The following PAWR variants were observed in gnomAD, a reference collection of about 807,000 sequenced individuals.
The protein encoded by PAWR is pro-apoptotic WT1 regulator.
PAWR carries 23 observed loss-of-function variants against 32.0 expected under a neutral mutation model. That is an observed-to-expected ratio of 0.72 (90% CI 0.52 to 1.02). The LOEUF (loss-of-function observed/expected upper bound fraction) is 1.02. Ranked by LOEUF, PAWR falls within the 50% of genes least tolerant of loss-of-function variation. PAWR has a pLI of 0.00. For synonymous variants in PAWR, 226 were observed against 187.1 expected (o/e 1.21, Z -1.70); for missense variants, 457 against 437.7 (o/e 1.04, Z -0.39).
chr12:79,588,746 T>C lies in PAWR; in HGVS notation c.*3861A>G, dbSNP rs1460614459. ...CTATATTCCTCTCACATAGACATAG[T>C]TATTTTTAGTGGGGATAAGGATATG... On this transcript the variant is annotated 3_prime_UTR_variant, in exon 7 of 7. Coordinates refer to ENST00000328827, the MANE Select transcript of PAWR (RefSeq NM_002583.4). The C allele has an allele frequency of 6.6e-6, 1 of 152,004 alleles. No homozygotes were observed. The highest frequency in any genetic ancestry group is 2.4e-5 in the African/African-American group (1 of 41,446). 9.4% of individuals were successfully genotyped at this position (152,004 alleles called of 1,614,324 possible).
intron 2 of PAWR, among the ~76,000 whole-genome samples, chr12:79,680,856 C>T (rs1467888485): frequency 6.6e-6 from 1 of 151,850 alleles, no homozygotes; most frequent in African/African-American, 2.4e-5. Context: ...GTGGCTCACA[C>T]CTGTAATCCC....
At chr12:79,638,863 CATATATAT>C in intron 2 of PAWR, among the ~76,000 whole-genome samples, 47 of 8,138 alleles carry the variant, frequency 5.8e-3, no homozygotes, top group East Asian at 0.023. Context: ...GAGATGGAGT[CATATATAT>C]ATATATATAT....
At chr12:79,649,549 G>A (rs1876741966) in intron 2 of PAWR, among the ~76,000 whole-genome samples, 1 of 152,120 alleles carries the variant, frequency 6.6e-6, no homozygotes, top group Admixed American at 6.6e-5. Flanking sequence ...CACCTTGAGA[G>A]GCCCACGCAG....
At chr12:79,594,494 AG>A in intron 5 of PAWR, 61 bp from the exon 6 acceptor site, 1 of 780,760 alleles carries the variant, frequency 1.3e-6, no homozygotes, top group Non-Finnish European at 2.1e-6. Context: ...AATCTTCCTA[AG>A]TGGCATATAT....
At chr12:79,625,310 G>C (rs1023328048) in intron 2 of PAWR, among the ~76,000 whole-genome samples, 5 of 151,936 alleles carry the variant, frequency 3.3e-5, no homozygotes, top group Admixed American at 6.5e-5. Context: ...GGTCTCAGAA[G>C]GCAAGGAGAG....
At chr12:79,612,739 G>C (rs938448962) in intron 4 of PAWR, among the ~76,000 whole-genome samples, 4 of 152,126 alleles carry the variant, frequency 2.6e-5, no homozygotes, top group African/African-American at 9.7e-5. Flanking sequence ...GATTATTAGC[G>C]CAAGTATGAC....
chr12:79,643,785 CACTT>C (rs553170135), intron 2 of PAWR, among the ~76,000 whole-genome samples: 22 of 152,256 alleles, frequency 1.4e-4, no homozygotes, highest in Middle Eastern at 6.8e-3. Context: ...GATACTCAAA[CACTT>C]ACCTGCTATT....
chr12:79,682,908 A>G (rs938429600), intron 2 of PAWR, among the ~76,000 whole-genome samples: 1 of 152,264 alleles, frequency 6.6e-6, no homozygotes, highest in African/African-American at 2.4e-5. Context: ...TAGTTTGATA[A>G]GATGGCAAAC....
chr12:79,684,580 T>C (rs752905462), intron 2 of PAWR, among the ~76,000 whole-genome samples: 1 of 151,392 alleles, frequency 6.6e-6, no homozygotes, highest in African/African-American at 2.4e-5. Context: ...CACATGCCAC[T>C]GTACTCCAGC....
Position 79,592,454 on chromosome 12 carries a change from A to T in PAWR, c.*153T>A. The T allele has an allele frequency of 1.9e-6, 1 of 518,078 alleles. No homozygotes were observed. Among genetic ancestry groups the T allele is most frequent in the African/African-American group, 2.0e-5 (1 of 49,534 alleles). 32.1% of individuals were successfully genotyped at this position (518,078 alleles called of 1,614,324 possible). ...TTTTTTAAAACCAATAATGAAAAAG[A>T]AGTATTTTGAAAACAAACATCTGTT... On this transcript the variant is annotated 3_prime_UTR_variant, in exon 7 of 7. Coordinates refer to ENST00000328827, the MANE Select transcript of PAWR (RefSeq NM_002583.4).
intron 2 of PAWR, among the ~76,000 whole-genome samples, chr12:79,677,455 TA>T (rs574182394): frequency 6.6e-6 from 1 of 152,036 alleles, no homozygotes; most frequent in Admixed American, 6.6e-5. Flanking sequence ...TTTCTCCTTT[TA>T]AAAAAAGCTT....
intron 2 of PAWR, among the ~76,000 whole-genome samples, chr12:79,653,033 GT>G (rs569236046): frequency 2.5e-4 from 38 of 152,124 alleles, no homozygotes; most frequent in Non-Finnish European, 4.4e-4. Flanking sequence ...TTTTGTGTTT[GT>G]TTTTTTATTT....
At chr12:79,657,833 C>T (rs1012698175) in intron 2 of PAWR, among the ~76,000 whole-genome samples, 3 of 150,354 alleles carry the variant, frequency 2.0e-5, no homozygotes, top group African/African-American at 4.9e-5. Context: ...TCGAATAGAA[C>T]CATAAAGGGT....
chr12:79,674,135 C>T (rs1311058790), intron 2 of PAWR, among the ~76,000 whole-genome samples: 2 of 152,092 alleles, frequency 1.3e-5, no homozygotes, highest in African/African-American at 4.8e-5. Flanking sequence ...GGAGGCATCA[C>T]AATACCCGAC....
At chr12:79,670,279 A>C (rs1282690156) in intron 2 of PAWR, among the ~76,000 whole-genome samples, 2 of 152,216 alleles carry the variant, frequency 1.3e-5, no homozygotes, top group Non-Finnish European at 2.9e-5. Flanking sequence ...AAGTTACTAA[A>C]TTATAGAAAA....
intron 5 of PAWR, among the ~76,000 whole-genome samples, chr12:79,595,281 T>G (rs1176813530): frequency 2.0e-5 from 3 of 152,116 alleles, no homozygotes; most frequent in Non-Finnish European, 4.4e-5. Context: ...CAATGCAACA[T>G]CTTTTTCAAA....
At chr12:79,634,331 T>G (rs1275488306) in intron 2 of PAWR, among the ~76,000 whole-genome samples, 3 of 152,140 alleles carry the variant, frequency 2.0e-5, no homozygotes, top group Admixed American at 2.0e-4. Flanking sequence ...GGGTGTTAGA[T>G]TTCACAACTA....
chr12:79,668,880 G>A (rs1224830701), intron 2 of PAWR, among the ~76,000 whole-genome samples: 2 of 152,128 alleles, frequency 1.3e-5, no homozygotes, highest in South Asian at 4.1e-4. Context: ...GAGGAATCCA[G>A]ACAACAAGTT....
At chr12:79,669,556 C>A (rs1027932611) in intron 2 of PAWR, among the ~76,000 whole-genome samples, 1 of 151,876 alleles carries the variant, frequency 6.6e-6, no homozygotes, top group African/African-American at 2.4e-5. Context: ...AGTCCTCCAA[C>A]GAAAGCAACT....
Sources: gnomAD v4.1 joint callset for allele counts (sites outside exome capture counted in the v4.1 genomes callset) on GRCh38, gnomAD v4.1.1 for gene constraint, MANE v1.5 for transcripts, NCBI Gene and HGNC (gene_info 2026-07-23, HGNC 2026-07-21) for gene names.